Variants in MBOAT1 observed in about 807,000 individuals in gnomAD.
MBOAT1 encodes the protein membrane bound glycerophospholipid O-acyltransferase 1.
A neutral mutation model predicts 64.4 loss-of-function variants in MBOAT1; 67 were observed. The observed-to-expected ratio is 1.04, with a 90% CI of 0.85 to 1.27. MBOAT1 has a LOEUF of 1.27. Ranked by LOEUF, MBOAT1 falls within the 50% of genes most tolerant of loss-of-function variation. The pLI is 0.00. For missense variants in MBOAT1, 563 were observed against 604.6 expected (o/e 0.93, Z 0.72); for synonymous variants, 229 against 218.9 (o/e 1.05, Z -0.41).
intron 1 of MBOAT1, among the ~76,000 whole-genome samples, chr6:20,172,471 G>T (rs761141221): frequency 6.6e-6 from 1 of 151,848 alleles, no homozygotes; most frequent in Admixed American, 6.6e-5. Flanking sequence ...TGATTCCTAG[G>T]GATGGCTATA....
In MBOAT1 at chr6:20,099,912, T is replaced by C. The variant is rs796893270; in HGVS notation, c.*2374A>G. 6.6e-6 allele frequency among the ~76,000 whole-genome samples: 1 copy of C among 152,234 alleles called. No homozygotes were observed. Among genetic ancestry groups the C allele is most frequent in the Non-Finnish European group, 1.5e-5 (1 of 68,038 alleles). On this transcript the variant is annotated 3_prime_UTR_variant, in exon 13 of 13. Coordinates refer to ENST00000324607, the MANE Select transcript of MBOAT1 (RefSeq NM_001080480.3). ...AAAAAGGATGCTAATCAGTCTCCTA[T>C]GTGTTGTTCTTTTTATACAGAATAA...
chr6:20,115,307 T>A lies in MBOAT1; in HGVS notation c.1057A>T (p.Thr353Ser), dbSNP rs541057161. 118 of 1,614,052 alleles carry A rather than the reference T, an allele frequency of 7.3e-5. No homozygotes were observed. The highest frequency in any genetic ancestry group is 6.0e-4 in the South Asian group (55 of 91,074). ...KMYLENWNIQ[T>S]ATWLKCVCYQ... The stretch of plus-strand genomic sequence containing the variant: ...TCTTACCACTTTAGCCAAGTAGCTG[T>A]CTGAATATTCCAGTTTTCCAAGTAC... The change falls in exon 10 of 13, where the codon ACA becomes TCA. Residue 353 changes from threonine (T) to serine (S), a missense_variant. By Grantham distance (58) the Thr-to-Ser change is moderately conservative. Transcript: ENST00000324607.
chr6:20,132,381 C>A (rs188601109), intron 4 of MBOAT1, among the ~76,000 whole-genome samples: 91 of 152,264 alleles, frequency 6.0e-4, no homozygotes, highest in African/African-American at 2.0e-3. Context: ...ATGCAGCTGC[C>A]TGTAAATAAA....
At chr6:20,106,957 C>T (rs1759976811) in intron 12 of MBOAT1, among the ~76,000 whole-genome samples, 1 of 152,138 alleles carries the variant, frequency 6.6e-6, no homozygotes, top group Admixed American at 6.5e-5. Flanking sequence ...TGAGTTCCTG[C>T]CTACGCCTAG....
intron 12 of MBOAT1, among the ~76,000 whole-genome samples, chr6:20,107,460 A>G (rs1433835945): frequency 1.3e-5 from 2 of 152,204 alleles, no homozygotes; most frequent in Non-Finnish European, 2.9e-5. Flanking sequence ...GAGCTCAAAA[A>G]GATGCCCCCA....
chr6:20,133,819 T>C (rs1485370578), intron 4 of MBOAT1, among the ~76,000 whole-genome samples: 2 of 152,202 alleles, frequency 1.3e-5, no homozygotes. Flanking sequence ...GATATTTACA[T>C]GTGCTGTGGC....
intron 12 of MBOAT1, among the ~76,000 whole-genome samples, chr6:20,107,324 G>A (rs1018192123): frequency 1.3e-5 from 2 of 152,070 alleles, no homozygotes; most frequent in Admixed American, 1.3e-4. Flanking sequence ...TACACTATGG[G>A]GGGCTACATG....
chr6:20,145,877 C>T (rs554455951), intron 3 of MBOAT1, among the ~76,000 whole-genome samples: 8 of 152,342 alleles, frequency 5.3e-5, no homozygotes, highest in African/African-American at 1.9e-4. Flanking sequence ...CTTGGTCTTA[C>T]TCCATGCATC....
chr6:20,111,813 TACATATATATACATATATATAC>T lies in MBOAT1; in HGVS notation c.1209+1041_1209+1062del, dbSNP rs1162219521. ...CAGTAATCCACTTTGTTCATATATA[TACATATATATACATATATATAC>T]ACATATATATACATATATATATACA... On this transcript the variant is annotated intron_variant, in intron 11 of 12. Coordinates refer to ENST00000324607, the MANE Select transcript of MBOAT1 (RefSeq NM_001080480.3). Among the ~76,000 whole-genome samples the T allele has an allele frequency of 1.4e-3, 165 of 121,806 alleles. 5 individuals carry two copies. Among genetic ancestry groups the T allele is most frequent in the African/African-American group, 2.4e-3 (77 of 32,142 alleles). 79.9% of individuals were successfully genotyped at this position (121,806 alleles called of 152,430 possible).
At chr6:20,168,451 T>G in intron 1 of MBOAT1, among the ~76,000 whole-genome samples, 1 of 131,652 alleles carries the variant, frequency 7.6e-6, no homozygotes, top group African/African-American at 3.0e-5. Context: ...GGCCACAGAG[T>G]CAGACTCAAG....
chr6:20,157,966 G>A (rs140039916), intron 1 of MBOAT1, among the ~76,000 whole-genome samples: 5 of 151,922 alleles, frequency 3.3e-5, no homozygotes, highest in Admixed American at 6.6e-5. Flanking sequence ...GACCAGCCTG[G>A]CCAACATGAC....
chr6:20,125,949 TA>T, intron 7 of MBOAT1: 1 of 404,282 alleles, frequency 2.5e-6, no homozygotes, highest in South Asian at 1.8e-5. Context: ...AGCATATTTG[TA>T]AAGTTCAATG....
intron 4 of MBOAT1, among the ~76,000 whole-genome samples, chr6:20,138,731 A>C (rs1448479615): frequency 1.3e-5 from 2 of 152,148 alleles, no homozygotes; most frequent in Non-Finnish European, 2.9e-5. Context: ...AATTCATCAA[A>C]AGGTGGGGAA....
At chr6:20,131,858 T>A (rs1371760614) in intron 4 of MBOAT1, among the ~76,000 whole-genome samples, 1 of 151,854 alleles carries the variant, frequency 6.6e-6, no homozygotes, top group East Asian at 1.9e-4. Context: ...CAGGAGCTAG[T>A]TGGAAATGCA....
At position 20,101,848 on chromosome 6, in the gene MBOAT1, G is replaced by A. The variant is rs1759796879; in HGVS notation, c.*438C>T. ...AAAATACTCCCGGCCGGGCGCGGTG[G>A]CTCACGCCTGTAATCCCAGCACTTT... On this transcript the variant is annotated 3_prime_UTR_variant, in exon 13 of 13. Coordinates refer to ENST00000324607, the MANE Select transcript of MBOAT1 (RefSeq NM_001080480.3). Among the ~76,000 whole-genome samples, 1 of 152,038 alleles carries A rather than the reference G, an allele frequency of 6.6e-6. No homozygotes were observed. The highest frequency in any genetic ancestry group is 1.5e-5 in the Non-Finnish European group (1 of 68,002).
Position 20,208,961 on chromosome 6 carries a change from G to A in MBOAT1, c.99+3175C>T, listed in dbSNP as rs183146778. 6.6e-5 allele frequency among the ~76,000 whole-genome samples: 10 copies of A among 152,312 alleles called. No individual in the cohort carries two copies. In the East Asian group the frequency reaches 1.9e-3, roughly 29 times the overall value. ...CATATCTGTTTTGGCAACTGAGTCA[G>A]TCTTGCAAACCTTTAGTTTAAAGGC... On this transcript the variant is annotated intron_variant, in intron 1 of 12. Coordinates refer to ENST00000324607, the MANE Select transcript of MBOAT1 (RefSeq NM_001080480.3).
chr6:20,207,942 C>G (rs1345617664), intron 1 of MBOAT1, among the ~76,000 whole-genome samples: 1 of 152,108 alleles, frequency 6.6e-6, no homozygotes, highest in African/African-American at 2.4e-5. Flanking sequence ...GGATGGGGAC[C>G]TTGATTTTTT....
chr6:20,166,803 A>G (rs189122400), intron 1 of MBOAT1, among the ~76,000 whole-genome samples: 92 of 152,100 alleles, frequency 6.0e-4, no homozygotes, highest in African/African-American at 2.1e-3. Flanking sequence ...CCCAAGCATG[A>G]TGACTTGCAC....
intron 9 of MBOAT1, among the ~76,000 whole-genome samples, chr6:20,117,752 C>T (rs772624722): frequency 2.0e-5 from 3 of 152,216 alleles, no homozygotes; most frequent in South Asian, 4.1e-4. Context: ...AGGAATGCAA[C>T]GCTTCTGCAT....
Sources: allele counts gnomAD v4.1 joint callset (sites outside exome capture counted in the v4.1 genomes callset), GRCh38; gene constraint gnomAD v4.1.1; transcripts MANE v1.5; gene names NCBI Gene and HGNC (gene_info 2026-07-23, HGNC 2026-07-21).